Variants in DGKB observed in about 807,000 individuals in gnomAD.
The protein encoded by DGKB is 90 kDa diacylglycerol kinase.
Under a neutral mutation model 114.3 loss-of-function variants are expected in DGKB, and 67 were observed. The ratio of observed to expected loss-of-function variants is 0.59; its 90% CI spans 0.48 to 0.72. The LOEUF is 0.72. Among genes scored for constraint, DGKB ranks in the 30% least tolerant of loss-of-function variants. The pLI, the probability that DGKB is intolerant of heterozygous loss-of-function variation, is 0.00. For synonymous variants in DGKB, 398 were observed against 323.1 expected (o/e 1.23, Z -2.49); for missense variants, 907 against 975.2 (o/e 0.93, Z 0.93).
At chr7:14,427,716 T>G (rs768089204) in intron 21 of DGKB, among the ~76,000 whole-genome samples, 11 of 152,072 alleles carry the variant, frequency 7.2e-5, no homozygotes, top group Non-Finnish European at 1.3e-4. Context: ...ATTCCCGTTT[T>G]TAAAACCATC....
chr7:14,281,180 T>C (rs959738538), intron 23 of DGKB, among the ~76,000 whole-genome samples: 1 of 150,928 alleles, frequency 6.6e-6, no homozygotes, highest in Non-Finnish European at 1.5e-5. Flanking sequence ...ACCAAGCAAA[T>C]GGAGAACAAA....
intron 22 of DGKB, among the ~76,000 whole-genome samples, chr7:14,339,622 G>A (rs1811281101): frequency 6.6e-6 from 1 of 151,934 alleles, no homozygotes; most frequent in African/African-American, 2.4e-5. Flanking sequence ...ACAGTGACAA[G>A]ACTATTCTGT....
At chr7:14,193,146 G>C (rs1784543651) in intron 23 of DGKB, among the ~76,000 whole-genome samples, 1 of 150,138 alleles carries the variant, frequency 6.7e-6, no homozygotes, top group Non-Finnish European at 1.5e-5. Flanking sequence ...TTGTGGCCTG[G>C]GGGTTAGGGA....
intron 1 of DGKB, among the ~76,000 whole-genome samples, chr7:14,882,161 A>T (rs1313286652): frequency 6.6e-6 from 1 of 152,074 alleles, no homozygotes; most frequent in East Asian, 1.9e-4. Flanking sequence ...TGGAGTTAAA[A>T]AAGTGAGAAA....
intron 20 of DGKB, among the ~76,000 whole-genome samples, chr7:14,570,721 G>A (rs1165272055): frequency 6.6e-6 from 1 of 151,988 alleles, no homozygotes; most frequent in Admixed American, 6.6e-5. Context: ...AAGTTAAAGG[G>A]GAGGAAGAAG....
intron 20 of DGKB, among the ~76,000 whole-genome samples, chr7:14,565,160 T>A (rs975232483): frequency 3.9e-5 from 6 of 152,148 alleles, no homozygotes; most frequent in African/African-American, 9.7e-5. Context: ...GAGGTTTGCA[T>A]TGGGCTTTAC....
At chr7:14,929,020 T>TACAC (rs1206456337) in intron 1 of DGKB, among the ~76,000 whole-genome samples, 1 of 123,102 alleles carries the variant, frequency 8.1e-6, no homozygotes, top group Admixed American at 8.4e-5. Context: ...CTGCATTGTG[T>TACAC]ATACACACAC....
At chr7:14,795,589 G>A (rs567197640) in intron 2 of DGKB, among the ~76,000 whole-genome samples, 18 of 152,268 alleles carry the variant, frequency 1.2e-4, no homozygotes, top group African/African-American at 4.3e-4. Context: ...AGACCTCAGA[G>A]TGGGAACTGT....
intron 23 of DGKB, among the ~76,000 whole-genome samples, chr7:14,309,260 CCTGT>C (rs1429635706): frequency 6.6e-5 from 10 of 152,026 alleles, no homozygotes; most frequent in Non-Finnish European, 1.0e-4. Flanking sequence ...CAATCAGAGC[CCTGT>C]CTGTCTTTGT....
chr7:14,418,659 T>A (rs1826175109), intron 21 of DGKB, among the ~76,000 whole-genome samples: 1 of 151,814 alleles, frequency 6.6e-6, no homozygotes. Context: ...TTGGACTATG[T>A]TGAAAAATGG....
intron 20 of DGKB, among the ~76,000 whole-genome samples, chr7:14,480,236 G>C (rs1782787552): frequency 6.6e-6 from 1 of 151,974 alleles, no homozygotes; most frequent in African/African-American, 2.4e-5. Flanking sequence ...CATAGCCAAA[G>C]ATAGAACTAA....
Position 14,451,924 on chromosome 7 carries a change from T to C in DGKB, c.1835+26237A>G, listed in dbSNP as rs573776999. On this transcript the variant is annotated intron_variant, in intron 21 of 25. Coordinates refer to ENST00000402815, the MANE Select transcript of DGKB (RefSeq NM_001350709.2). ...TCACTCTTTTGCACAGTCAGACTTA[T>C]GATTGTTTAATATTTTACTGCTTGT... Among the ~76,000 whole-genome samples the C allele has an allele frequency of 1.6e-4, 24 of 152,238 alleles. No individual in the cohort carries two copies. The East Asian group carries it at 4.1e-3, about 26-fold the overall frequency.
intron 23 of DGKB, among the ~76,000 whole-genome samples, chr7:14,184,148 C>T (rs904295678): frequency 1.3e-5 from 2 of 152,160 alleles, no homozygotes; most frequent in Admixed American, 6.5e-5. Context: ...CTCCTGGAGT[C>T]CCCTAACTGG....
chr7:14,722,533 G>C (rs1039847506), intron 5 of DGKB, among the ~76,000 whole-genome samples: 1 of 152,020 alleles, frequency 6.6e-6, no homozygotes, highest in Non-Finnish European at 1.5e-5. Flanking sequence ...AAAAAGCTTG[G>C]CCAGGCACCG....
intron 20 of DGKB, among the ~76,000 whole-genome samples, chr7:14,563,419 A>C (rs2128677164): frequency 6.6e-6 from 1 of 152,304 alleles, no homozygotes. Flanking sequence ...GAAATCTTCA[A>C]AGTGGTAAGT....
chr7:14,170,078 G>GA (rs1317126217), intron 25 of DGKB, among the ~76,000 whole-genome samples: 1 of 144,878 alleles, frequency 6.9e-6, no homozygotes, highest in African/African-American at 2.5e-5. Flanking sequence ...ATGTTGCGGT[G>GA]AGCCGAGATC....
At chr7:14,512,847 G>C (rs1788191293) in intron 20 of DGKB, among the ~76,000 whole-genome samples, 1 of 152,044 alleles carries the variant, frequency 6.6e-6, no homozygotes, top group African/African-American at 2.4e-5. Context: ...ACCAAAACCT[G>C]AAAGAGCTTA....
intron 23 of DGKB, among the ~76,000 whole-genome samples, chr7:14,245,108 C>T (rs1445399862): frequency 2.0e-5 from 3 of 151,944 alleles, no homozygotes; most frequent in African/African-American, 7.3e-5. Context: ...CTCCCCAAAT[C>T]TGAAACTAAT....
At chr7:14,491,757 T>A (rs1784628276) in intron 20 of DGKB, among the ~76,000 whole-genome samples, 1 of 152,106 alleles carries the variant, frequency 6.6e-6, no homozygotes, top group Non-Finnish European at 1.5e-5. Flanking sequence ...TTTTAAATGA[T>A]AAATAACATT....
Sources: gnomAD v4.1 joint callset for allele counts (sites outside exome capture counted in the v4.1 genomes callset) on GRCh38, gnomAD v4.1.1 for gene constraint, MANE v1.5 for transcripts, NCBI Gene and HGNC (gene_info 2026-07-23, HGNC 2026-07-21) for gene names.